INVS: variants seen among roughly 807,000 people sequenced by gnomAD.
INVS encodes the protein inversion of embryo turning homolog.
INVS carries 86 observed loss-of-function variants against 108.8 expected under a neutral mutation model. That is an observed-to-expected ratio of 0.79 (90% CI 0.66 to 0.95). INVS has a LOEUF of 0.95. INVS is among the 40% of genes least tolerant of loss of function. INVS has a pLI of 0.00. For missense variants in INVS, 1,169 were observed against 1,297.4 expected, an observed-to-expected ratio of 0.90 and a Z score of 1.52; for synonymous variants, 455 against 473.5, an observed-to-expected ratio of 0.96 and a Z score of 0.51.
At chr9:100,135,673 G>A (rs759775070) in intron 3 of INVS, among the ~76,000 whole-genome samples, 8 of 152,112 alleles carry the variant, frequency 5.3e-5, no homozygotes, top group Non-Finnish European at 7.4e-5. Context: ...ACTAGTCCAG[G>A]TACAATTTTG....
At chr9:100,129,783 A>G (rs1828003408) in intron 3 of INVS, 2 of 642,188 alleles carry the variant, frequency 3.1e-6, no homozygotes, top group Non-Finnish European at 2.9e-6. Flanking sequence ...CCTTTATGAC[A>G]TTTTCCAAAC....
chr9:100,118,329 C>G (rs1365878221), intron 2 of INVS, among the ~76,000 whole-genome samples: 1 of 151,952 alleles, frequency 6.6e-6, no homozygotes, highest in African/African-American at 2.4e-5. Flanking sequence ...TTGCCTCAAC[C>G]TCCTGAGTAG....
chr9:100,100,220 A>C (rs1031167144), intron 1 of INVS, among the ~76,000 whole-genome samples: 7 of 151,940 alleles, frequency 4.6e-5, no homozygotes, highest in African/African-American at 1.7e-4. Flanking sequence ...AGGGGCAAAA[A>C]ATACATTTTT....
At chr9:100,191,325 T>C (rs1830215079) in intron 3 of INVS, among the ~76,000 whole-genome samples, 1 of 152,210 alleles carries the variant, frequency 6.6e-6, no homozygotes, top group South Asian at 2.1e-4. Flanking sequence ...GATTCTTTGG[T>C]TTGGCAATTT....
chr9:100,175,699 C>T (rs2416986), intron 3 of INVS: 81,319 of 627,042 alleles, frequency 0.13, 9,729 homozygotes, highest in African/African-American at 0.49. Flanking sequence ...GGATGCTTGG[C>T]GAACATGTCT....
chr9:100,300,197 T>C (rs1160580634), intron 16 of INVS, among the ~76,000 whole-genome samples: 1 of 152,230 alleles, frequency 6.6e-6, no homozygotes, highest in Non-Finnish European at 1.5e-5. Flanking sequence ...AAACCTATTT[T>C]CTAGAACAAC....
intron 12 of INVS, among the ~76,000 whole-genome samples, chr9:100,279,931 C>A (rs958043105): frequency 2.6e-5 from 4 of 152,190 alleles, no homozygotes; most frequent in African/African-American, 7.2e-5. Context: ...ACTTCCATAA[C>A]TCCAACTGTG....
rs1285423022 is a variant in INVS, at chr9:100,292,365, T to C, written c.2108T>C (p.Val703Ala). ...CATTCTAAAGGCCAATCTGCTTGTG[T>C]CCACTTCAGACCCAATGAAGGCAGT... ...REHSKGQSAC[V>A]HFRPNEGSDG... is the part of the protein sequence containing the mutation. The change falls in exon 14 of 17, where the codon GTC becomes GCC. Residue 703 changes from valine (V) to alanine (A), a missense_variant. By Grantham distance (64) the Val-to-Ala change is moderately conservative. Coordinates refer to ENST00000262457, the MANE Select transcript of INVS (RefSeq NM_014425.5). 5 of 1,614,056 alleles carry C rather than the reference T, an allele frequency of 3.1e-6. No individual in the cohort carries two copies. Among genetic ancestry groups the C allele is most frequent in the Non-Finnish European group, 4.2e-6 (5 of 1,180,034 alleles).
At chr9:100,101,792 T>C (rs1472014496) in intron 1 of INVS, 1 of 152,204 alleles carries the variant, frequency 6.6e-6, no homozygotes, top group Non-Finnish European at 1.5e-5. Context: ...AGCAATTAAC[T>C]GGAGCTGATT....
At position 100,242,588 on chromosome 9, in the gene INVS, A is replaced by G. The variant is rs151080341; in HGVS notation, c.815A>G (p.His272Arg). The change falls in exon 7 of 17, where the codon CAT becomes CGT. Residue 272 changes from histidine to arginine, a missense_variant. By Grantham distance (29) the His-to-Arg change is conservative. This residue lies in a region of INVS where 365 missense variants were observed against 397.5 expected (regional missense o/e 0.92). Transcript: ENST00000262457. ...AALLGHAQIV[H>R]LLLERNKSGT... ...TTCTCAGGCCATGCACAGATTGTCC[A>G]TCTCCTTTTAGAAAGAAATAAGTCT... The G allele has an allele frequency of 6.2e-7, 1 of 1,604,016 alleles. No homozygotes were observed. Among genetic ancestry groups the G allele is most frequent in the Non-Finnish European group, 8.5e-7 (1 of 1,170,894 alleles).
intron 3 of INVS, among the ~76,000 whole-genome samples, chr9:100,148,414 C>CA (rs1382802257): frequency 1.3e-5 from 2 of 151,854 alleles, no homozygotes; most frequent in Non-Finnish European, 2.9e-5. Flanking sequence ...ATGATGGCAG[C>CA]AAAAAGGTTA....
intron 3 of INVS, chr9:100,176,203 C>T (rs879244513): frequency 7.5e-5 from 23 of 307,614 alleles, no homozygotes; most frequent in South Asian, 6.2e-4. Context: ...CCTATCAAGT[C>T]GATTTTGTGG....
intron 3 of INVS, among the ~76,000 whole-genome samples, chr9:100,141,551 G>T (rs1198008560): frequency 6.6e-6 from 1 of 152,194 alleles, no homozygotes; most frequent in African/African-American, 2.4e-5. Context: ...AATGACCGCG[G>T]TGGCCTTCTC....
chr9:100,101,476 T>A (rs976875446), intron 1 of INVS: 2 of 152,140 alleles, frequency 1.3e-5, no homozygotes, highest in African/African-American at 4.8e-5. Context: ...CTGACATGAC[T>A]GTTAGACTCA....
chr9:100,149,789 G>A (rs973617844), intron 3 of INVS, among the ~76,000 whole-genome samples: 4 of 151,970 alleles, frequency 2.6e-5, no homozygotes, highest in South Asian at 4.1e-4. Context: ...CATGTTTCTA[G>A]TATGAAAAAA....
intron 5 of INVS, among the ~76,000 whole-genome samples, chr9:100,236,745 G>A (rs1264008907): frequency 6.6e-6 from 1 of 152,128 alleles, no homozygotes; most frequent in Non-Finnish European, 1.5e-5. Flanking sequence ...TGTCCCAGAT[G>A]GGCAACTGCT....
intron 2 of INVS, among the ~76,000 whole-genome samples, chr9:100,108,665 G>A (rs1230689557): frequency 6.6e-6 from 1 of 152,100 alleles, no homozygotes; most frequent in South Asian, 2.1e-4. Flanking sequence ...CAACTGCTCA[G>A]TGAATTCATT....
intron 3 of INVS, among the ~76,000 whole-genome samples, chr9:100,169,971 A>G (rs566519831): frequency 6.6e-6 from 1 of 152,262 alleles, no homozygotes; most frequent in East Asian, 1.9e-4. Flanking sequence ...ACCATTACAA[A>G]TGTTTCATTA....
chr9:100,198,677 C>T (rs1830456982), intron 3 of INVS, among the ~76,000 whole-genome samples: 1 of 151,664 alleles, frequency 6.6e-6, no homozygotes, highest in African/African-American at 2.4e-5. Context: ...ACTGCAACCT[C>T]CATCTCTGGG....
Sources: gnomAD v4.1 joint callset for allele counts (sites outside exome capture counted in the v4.1 genomes callset) on GRCh38, gnomAD v4.1.1 for gene constraint, gnomAD v4.1.1 regional missense constraint, MANE v1.5 for transcripts, NCBI Gene and HGNC (gene_info 2026-07-23, HGNC 2026-07-21) for gene names.